CADPS: variants seen among roughly 807,000 people sequenced by gnomAD.
CADPS encodes the protein calcium dependent secretion activator, also known as calcium-dependent secretion activator 1.
CADPS carries 57 observed loss-of-function variants against 167.3 expected under a neutral mutation model. The observed-to-expected ratio is 0.34, with a 90% CI of 0.28 to 0.42. The LOEUF (loss-of-function observed/expected upper bound fraction) is 0.42. Among genes scored for constraint, CADPS ranks in the 20% least tolerant of loss-of-function variants. The pLI, the probability that CADPS is intolerant of heterozygous loss-of-function variation, is 1.00. For synonymous variants in CADPS, 676 were observed against 635.3 expected (o/e 1.06, Z -0.96); for missense variants, 1,414 against 1,738.1 (o/e 0.81, Z 3.32).
chr3:62,515,235 T>C (rs1042759305), intron 16 of CADPS, among the ~76,000 whole-genome samples: 7 of 152,104 alleles, frequency 4.6e-5, no homozygotes, highest in African/African-American at 1.7e-4. Flanking sequence ...GATTCCAGAA[T>C]GCGGACACAT....
intron 3 of CADPS, among the ~76,000 whole-genome samples, chr3:62,750,459 T>G: frequency 6.7e-6 from 1 of 148,970 alleles, no homozygotes; most frequent in East Asian, 2.0e-4. Context: ...ATTATGAAGG[T>G]GGTATGTTAA....
chr3:62,813,898 AAC>A (rs2094496243), intron 1 of CADPS, among the ~76,000 whole-genome samples: 2 of 152,140 alleles, frequency 1.3e-5, no homozygotes, highest in Non-Finnish European at 2.9e-5. Flanking sequence ...CCTTGTTTCC[AAC>A]ACAGAGTAGA....
chr3:62,437,204 A>G (rs2055274927), intron 28 of CADPS, among the ~76,000 whole-genome samples: 1 of 152,088 alleles, frequency 6.6e-6, no homozygotes, highest in African/African-American at 2.4e-5. Flanking sequence ...AGACAAGAAC[A>G]TCAGCTTCCA....
intron 1 of CADPS, among the ~76,000 whole-genome samples, chr3:62,793,063 T>C (rs2093086059): frequency 6.6e-6 from 1 of 152,174 alleles, no homozygotes; most frequent in African/African-American, 2.4e-5. Flanking sequence ...CAGTAATGAA[T>C]GACCGTTTAA....
At chr3:62,656,475 T>C (rs191533502) in intron 4 of CADPS, among the ~76,000 whole-genome samples, 17 of 152,296 alleles carry the variant, frequency 1.1e-4, no homozygotes, top group Non-Finnish European at 2.1e-4. Context: ...AGAGTTTTTG[T>C]TCTTAGCTAT....
intron 7 of CADPS, among the ~76,000 whole-genome samples, chr3:62,590,819 C>T (rs1162134375): frequency 6.6e-6 from 1 of 151,784 alleles, no homozygotes; most frequent in East Asian, 1.9e-4. Flanking sequence ...ACACATTAAA[C>T]CAGAATGAAA....
At chr3:62,675,236 C>A (rs1293590908) in intron 3 of CADPS, among the ~76,000 whole-genome samples, 1 of 151,808 alleles carries the variant, frequency 6.6e-6, no homozygotes, top group African/African-American at 2.4e-5. Flanking sequence ...AATCTTGTGG[C>A]CCTAACCTAG....
intron 3 of CADPS, among the ~76,000 whole-genome samples, chr3:62,733,437 T>C (rs565609907): frequency 1.3e-5 from 2 of 152,346 alleles, no homozygotes; most frequent in East Asian, 3.9e-4. Flanking sequence ...CTAATTAAAG[T>C]TAATGAGAAA....
At chr3:62,562,006 G>A (rs1044937236) in intron 9 of CADPS, among the ~76,000 whole-genome samples, 3 of 152,136 alleles carry the variant, frequency 2.0e-5, no homozygotes, top group Admixed American at 6.5e-5. Flanking sequence ...TGTGATTCCT[G>A]CCCTCATGTC....
At chr3:62,715,962 G>C (rs2084478193) in intron 3 of CADPS, among the ~76,000 whole-genome samples, 1 of 151,750 alleles carries the variant, frequency 6.6e-6, no homozygotes, top group African/African-American at 2.4e-5. Flanking sequence ...AGCCAGGATG[G>C]TCTCGATCTC....
intron 28 of CADPS, among the ~76,000 whole-genome samples, chr3:62,411,674 C>T (rs529124707): frequency 3.3e-5 from 5 of 152,148 alleles, no homozygotes; most frequent in East Asian, 1.9e-4. Context: ...TAACGATTAC[C>T]GGGGATCTGG....
rs190678683 is a variant in CADPS at position 62,507,160 on chromosome 3, C to T, written c.2599+5591G>A. On this transcript the variant is annotated intron_variant, in intron 17 of 29. Transcript: ENST00000383710. ...TGCCACAAGCTGTCTTGGGCGGGAG[C>T]TTGGAGCATCTGGAGGGATGATGAA... Among the ~76,000 whole-genome samples, 734 of 152,210 alleles carry T rather than the reference C, an allele frequency of 4.8e-3. 5 individuals are homozygous for T. The highest frequency in any genetic ancestry group is 0.016 in the African/African-American group (685 of 41,536).
At chr3:62,813,657 T>G (rs577766004) in intron 1 of CADPS, among the ~76,000 whole-genome samples, 6 of 152,138 alleles carry the variant, frequency 3.9e-5, no homozygotes, top group African/African-American at 1.2e-4. Context: ...CAAAGAAAAC[T>G]ATCAACAAAC....
intron 22 of CADPS, among the ~76,000 whole-genome samples, chr3:62,480,226 C>T (rs1054021828): frequency 5.3e-5 from 8 of 152,142 alleles, no homozygotes; most frequent in South Asian, 2.1e-4. Context: ...ATTAATTGAA[C>T]GGAGACCATT....
chr3:62,602,462 G>A lies in CADPS; in HGVS notation c.1326-9714C>T, dbSNP rs570793278. On this transcript the variant is annotated intron_variant, in intron 6 of 29. Coordinates refer to ENST00000383710, the MANE Select transcript of CADPS (RefSeq NM_003716.4). This position sits in a 1 kb window ranked among gnomAD's most constrained non-coding sequence, Gnocchi z 4.4. The stretch of plus-strand genomic sequence containing the variant: ...TCATTTCAAGGAATGAAAGTGCCGT[G>A]GTCCTGTTGCTAAGAAGGAAAGTTA... Among the ~76,000 whole-genome samples, 134 of 152,212 alleles carry A rather than the reference G, an allele frequency of 8.8e-4. No homozygotes were observed. The highest frequency in any genetic ancestry group is 1.7e-3 in the Non-Finnish European group (113 of 68,016).
chr3:62,806,032 C>G (rs552807096), intron 1 of CADPS, among the ~76,000 whole-genome samples: 56 of 152,178 alleles, frequency 3.7e-4, no homozygotes, highest in African/African-American at 1.3e-3. Flanking sequence ...TTGCTCTGTC[C>G]AACCTTCTTT....
At position 62,536,432 on chromosome 3, in the gene CADPS, A is replaced by C; in HGVS notation, c.2103+13T>G. 1.9e-6 allele frequency: 3 copies of C among 1,610,290 alleles called. No homozygotes were observed. Among genetic ancestry groups the C allele is most frequent in the Non-Finnish European group, 2.5e-6 (3 of 1,177,530 alleles). ...TTATGTTTAAATTGCTGTAGACCAAAGAATATACTTGCCAGGCAAGAATAG... is the reference window on the plus strand; with the variant it reads ...TTATGTTTAAATTGCTGTAGACCAACGAATATACTTGCCAGGCAAGAATAG... On this transcript the variant is annotated intron_variant, in intron 12 of 29. Coordinates refer to ENST00000383710, the MANE Select transcript of CADPS (RefSeq NM_003716.4).
chr3:62,874,675 G>A lies in CADPS; in HGVS notation c.355C>T (p.Leu119=). 1 of 1,555,972 alleles carries A rather than the reference G, an allele frequency of 6.4e-7. No homozygotes were observed. The highest frequency in any genetic ancestry group is 8.7e-7 in the Non-Finnish European group (1 of 1,149,214). ...CGCATCACGAACACATACAGCTGCA[G>A]CCTCTTCTTCCTCTCCTCCTCCTCT... is the stretch of plus-strand genomic sequence containing the variant. The part of the protein sequence containing the change: ...QKEEEERKKR[L]QLYVFVMRCI... Residue 119 remains leucine, a synonymous_variant, in exon 1 of 30, where the codon CTG becomes TTG. Coordinates refer to ENST00000383710, the MANE Select transcript of CADPS (RefSeq NM_003716.4). This position sits in a 1 kb window ranked among gnomAD's most constrained non-coding sequence, Gnocchi z 7.1.
chr3:62,568,116 A>G (rs1368768029), intron 9 of CADPS, among the ~76,000 whole-genome samples: 1 of 152,164 alleles, frequency 6.6e-6, no homozygotes, highest in Admixed American at 6.5e-5. Flanking sequence ...ACCCTCAAGG[A>G]GAGATGCAAG....
Sources: allele counts gnomAD v4.1 joint callset (sites outside exome capture counted in the v4.1 genomes callset), GRCh38; gene constraint gnomAD v4.1.1; non-coding constraint Gnocchi (gnomAD v3.1); transcripts MANE v1.5; gene names NCBI Gene and HGNC (gene_info 2026-07-23, HGNC 2026-07-21).